The following DTNB variants were observed in gnomAD, a reference collection of about 807,000 sequenced individuals.
DTNB encodes dystrobrevin beta.
In DTNB, 63 loss-of-function variants were observed where a neutral mutation model predicts 90.7. The ratio of observed to expected loss-of-function variants is 0.69; its 90% CI spans 0.57 to 0.86. The LOEUF (loss-of-function observed/expected upper bound fraction) is 0.86, where lower values mean the gene tolerates loss of function less well. Ranked by LOEUF, DTNB falls within the 40% of genes least tolerant of loss-of-function variation. DTNB has a pLI of 0.00. For missense variants in DTNB, 744 were observed against 807.1 expected (o/e 0.92, Z 0.95); for synonymous variants, 277 against 286.7 (o/e 0.97, Z 0.34).
intron 9 of DTNB, among the ~76,000 whole-genome samples, chr2:25,526,765 C>T (rs894133590): frequency 3.9e-5 from 6 of 151,902 alleles, no homozygotes; most frequent in Non-Finnish European, 8.8e-5. Context: ...AAAACATACA[C>T]GACGAGCACA....
In DTNB at chr2:25,427,771, A is replaced by C. The variant is rs1239915010; in HGVS notation, c.1458-140T>G. 1.0e-5 allele frequency: 7 copies of C among 689,612 alleles called. No homozygotes were observed. In the Admixed American group the frequency reaches 2.1e-4, roughly 21 times the overall value. The allele number at this position is 689,612 out of a possible 1,614,324, so 42.7% of individuals were successfully genotyped here. On this transcript the variant is annotated intron_variant, in intron 14 of 20. Transcript: ENST00000406818. ...AGTCATTTAGCATCCAATACCTCAT[A>C]AAATGGTGATAATGTCTGTTTTGCC...
chr2:25,406,638 C>T (rs966849717), intron 16 of DTNB, among the ~76,000 whole-genome samples: 2 of 151,918 alleles, frequency 1.3e-5, no homozygotes, highest in African/African-American at 2.4e-5. Flanking sequence ...ATAACACATA[C>T]AACAACTACT....
chr2:25,453,315 T>C (rs929167328), intron 11 of DTNB, among the ~76,000 whole-genome samples: 3 of 152,214 alleles, frequency 2.0e-5, no homozygotes, highest in African/African-American at 7.2e-5. Flanking sequence ...CTTGTGTTGA[T>C]GAGAGGTTTT....
At chr2:25,502,851 A>G (rs1264409669) in intron 9 of DTNB, among the ~76,000 whole-genome samples, 2 of 143,256 alleles carry the variant, frequency 1.4e-5, no homozygotes, top group African/African-American at 5.3e-5. Context: ...GCACCACTGC[A>G]CTCCAGCCTG....
At chr2:25,558,213 TAGAG>T (rs1255565642) in intron 8 of DTNB, 1 of 985,304 alleles carries the variant, frequency 1.0e-6, no homozygotes, top group Non-Finnish European at 1.2e-6. Context: ...TAAATTTATT[TAGAG>T]AAAGAGTTCA....
chr2:25,458,023 T>A (rs1196475251), intron 10 of DTNB, among the ~76,000 whole-genome samples: 1 of 152,012 alleles, frequency 6.6e-6, no homozygotes, highest in East Asian at 1.9e-4. Flanking sequence ...TTAGTAGAGA[T>A]GAGGTTTCAC....
intron 6 of DTNB, among the ~76,000 whole-genome samples, chr2:25,582,979 G>C (rs1331547336): frequency 6.6e-6 from 1 of 152,092 alleles, no homozygotes; most frequent in African/African-American, 2.4e-5. Context: ...TATTGAGATT[G>C]GCTGGGCGTG....
intron 1 of DTNB, among the ~76,000 whole-genome samples, chr2:25,664,164 T>A (rs1176035209): frequency 6.6e-6 from 1 of 152,248 alleles, no homozygotes; most frequent in Non-Finnish European, 1.5e-5. Flanking sequence ...AATTCTAAGC[T>A]ATTTTTTATT....
At chr2:25,405,243 AAAAAT>A (rs2044795645) in intron 16 of DTNB, among the ~76,000 whole-genome samples, 1 of 152,102 alleles carries the variant, frequency 6.6e-6, no homozygotes, top group South Asian at 2.1e-4. Context: ...AACCACCATT[AAAAAT>A]AAAATGTTCT....
intron 4 of DTNB, among the ~76,000 whole-genome samples, chr2:25,623,380 C>T (rs1292058912): frequency 1.3e-5 from 2 of 152,088 alleles, no homozygotes; most frequent in African/African-American, 2.4e-5. Flanking sequence ...TATAGAGTAA[C>T]TTTTTGATGG....
In DTNB at chr2:25,387,126, T is replaced by C; in HGVS notation, c.1825+163A>G. The C allele has an allele frequency of 6.6e-6, 4 of 605,104 alleles. No individual in the cohort carries two copies. In the South Asian group the frequency reaches 8.8e-5, roughly 13 times the overall value. 37.5% of individuals were successfully genotyped at this position (605,104 alleles called of 1,614,324 possible). ...ACGCGATCCTGTGTGACAGAGGCTCTCTGGGTGGAGACATCCAGTGTGTTC... is the reference window on the plus strand; with the variant it reads ...ACGCGATCCTGTGTGACAGAGGCTCCCTGGGTGGAGACATCCAGTGTGTTC... On this transcript the variant is annotated intron_variant, in intron 18 of 20. Transcript: ENST00000406818. The surrounding 1 kb of genome is among the most constrained non-coding windows in gnomAD (Gnocchi z 4.5).
intron 9 of DTNB, among the ~76,000 whole-genome samples, chr2:25,503,822 C>A (rs1411439194): frequency 6.6e-6 from 1 of 151,366 alleles, no homozygotes; most frequent in Non-Finnish European, 1.5e-5. Context: ...GAGGCTGAGG[C>A]AGGAGAATGA....
At chr2:25,453,367 T>C (rs1436119623) in intron 11 of DTNB, among the ~76,000 whole-genome samples, 2 of 152,216 alleles carry the variant, frequency 1.3e-5, no homozygotes, top group Non-Finnish European at 2.9e-5. Context: ...TCTGTTTGAA[T>C]TGACTTTCAT....
intron 4 of DTNB, among the ~76,000 whole-genome samples, chr2:25,624,981 C>G (rs1462143005): frequency 6.6e-6 from 1 of 152,106 alleles, no homozygotes. Context: ...TCAGAACTCT[C>G]AGTATTAAAA....
chr2:25,554,596 C>T (rs1572508826), intron 8 of DTNB, among the ~76,000 whole-genome samples: 3 of 152,060 alleles, frequency 2.0e-5, no homozygotes, highest in Admixed American at 2.0e-4. Context: ...CCACGCTGCA[C>T]CAGAAGACTT....
At chr2:25,628,531 T>C in intron 3 of DTNB, 147 bp from the exon 4 acceptor site, 1 of 785,306 alleles carries the variant, frequency 1.3e-6, no homozygotes, top group Non-Finnish European at 2.0e-6. Context: ...TGTGGTCAAA[T>C]AAAGAACATC....
chr2:25,502,083 C>T (rs2070858747), intron 9 of DTNB, among the ~76,000 whole-genome samples: 1 of 151,982 alleles, frequency 6.6e-6, no homozygotes, highest in Non-Finnish European at 1.5e-5. Flanking sequence ...ATTTGTGGGG[C>T]TGAGGTGGGA....
Position 25,595,978 on chromosome 2 carries a change from C to T in DTNB, c.603+108G>A, listed in dbSNP as rs866265800. 3 of 1,059,810 alleles carry T rather than the reference C, an allele frequency of 2.8e-6. No homozygotes were observed. The Middle Eastern group carries it at 9.6e-4, about 338-fold the overall frequency. The allele number at this position is 1,059,810 out of a possible 1,614,324, so 65.7% of individuals were successfully genotyped here. ...CACCACCTTTAAAGCTTTTTTCCTCCCCTACTCAAGACCTTACTAGACTGG... is the reference window on the plus strand; with the variant it reads ...CACCACCTTTAAAGCTTTTTTCCTCTCCTACTCAAGACCTTACTAGACTGG... On this transcript the variant is annotated intron_variant, in intron 6 of 20. Transcript: ENST00000406818.
Position 25,662,683 on chromosome 2 carries a change from C to CACACACAA in DTNB, c.-1-10023_-1-10022insTTGTGTGT, listed in dbSNP as rs1553662334. ...ACACACACACACACACACACACAAA[C>CACACACAA]ACACACACACACACACACACACACA... On this transcript the variant is annotated intron_variant, in intron 1 of 20. Transcript: ENST00000406818. Among the ~76,000 whole-genome samples the CACACACAA allele has an allele frequency of 3.0e-3, 310 of 101,670 alleles. 2 individuals are homozygous for CACACACAA. The highest frequency in any genetic ancestry group is 5.2e-3 in the Non-Finnish European group (237 of 45,422). 66.7% of individuals were successfully genotyped at this position (101,670 alleles called of 152,430 possible). A position where few individuals can be genotyped will look rare whatever the true frequency, so the allele number is the denominator to read the frequency against.
Sources: gnomAD v4.1 joint callset for allele counts (sites outside exome capture counted in the v4.1 genomes callset) on GRCh38, gnomAD v4.1.1 for gene constraint, Gnocchi (gnomAD v3.1) non-coding constraint, MANE v1.5 for transcripts, NCBI Gene and HGNC (gene_info 2026-07-23, HGNC 2026-07-21) for gene names.